The following PPP2R2B variants were observed in gnomAD, a reference collection of about 807,000 sequenced individuals.
PPP2R2B encodes the protein serine/threonine-protein phosphatase 2A 55 kDa regulatory subunit B beta isoform.
Under a neutral mutation model 46.0 loss-of-function variants are expected in PPP2R2B, and 5 were observed. The observed-to-expected ratio is 0.11, with a 90% CI of 0.06 to 0.23. The LOEUF is 0.23. PPP2R2B is among the 10% of genes least tolerant of loss of function. The pLI is 1.00. For synonymous variants in PPP2R2B, 215 were observed against 206.7 expected (o/e 1.04, Z -0.34); for missense variants, 367 against 575.0 (o/e 0.64, Z 3.70).
intron 3 of PPP2R2B, among the ~76,000 whole-genome samples, 175 bp from the exon 4 acceptor site, chr5:146,698,319 T>G (rs11744036): frequency 1.7e-5 from 1 of 57,246 alleles, no homozygotes; most frequent in Non-Finnish European, 2.9e-5. Context: ...AAAAAAAAAA[T>G]ATATATATAT....
intron 2 of PPP2R2B, among the ~76,000 whole-genome samples, chr5:146,788,870 C>T (rs1463374259): frequency 1.3e-5 from 2 of 152,216 alleles, no homozygotes; most frequent in Admixed American, 6.5e-5. Context: ...TAAATTCATT[C>T]ATCCCTCTCA....
chr5:146,972,379 A>G (rs1424087983), intron 1 of PPP2R2B, among the ~76,000 whole-genome samples: 1 of 152,108 alleles, frequency 6.6e-6, no homozygotes, highest in Non-Finnish European at 1.5e-5. Context: ...CCACACACTT[A>G]TCTCTGGATA....
At chr5:146,951,958 C>G (rs1002845380) in intron 1 of PPP2R2B, among the ~76,000 whole-genome samples, 1 of 148,930 alleles carries the variant, frequency 6.7e-6, no homozygotes, top group Non-Finnish European at 1.5e-5. Flanking sequence ...AATGGTTGAA[C>G]TAATTTACAT....
chr5:146,831,094 C>T (rs2151350253), intron 2 of PPP2R2B, among the ~76,000 whole-genome samples: 1 of 152,168 alleles, frequency 6.6e-6, no homozygotes, highest in Middle Eastern at 3.4e-3. Context: ...ATGTGATACT[C>T]AATCATGATA....
rs1770326007 is a variant in PPP2R2B at position 146,589,016 on chromosome 5, C to A, written c.*931G>T. ...GGACTCAGGGGTGGTGGCACTGCTT[C>A]CAACTTACTGCTTCATTTAGAACAC... On this transcript the variant is annotated 3_prime_UTR_variant, in exon 10 of 10. Coordinates refer to ENST00000394411, the MANE Select transcript of PPP2R2B (RefSeq NM_181675.4). The A allele has an allele frequency of 6.6e-6, 1 of 152,198 alleles. No homozygotes were observed. The highest frequency in any genetic ancestry group is 1.5e-5 in the Non-Finnish European group (1 of 68,066). 9.4% of individuals were successfully genotyped at this position (152,198 alleles called of 1,614,324 possible).
intron 1 of PPP2R2B, among the ~76,000 whole-genome samples, chr5:146,973,474 G>A (rs772986393): frequency 5.9e-5 from 9 of 152,212 alleles, no homozygotes; most frequent in Non-Finnish European, 1.0e-4. Flanking sequence ...GAAGGGCAGC[G>A]TGGCCCCAGG....
chr5:146,767,146 A>G (rs1456622375), intron 2 of PPP2R2B, among the ~76,000 whole-genome samples: 1 of 151,482 alleles, frequency 6.6e-6, no homozygotes, highest in Non-Finnish European at 1.5e-5. Flanking sequence ...TCCAGACTTC[A>G]CTAAATGTTT....
chr5:146,930,330 A>G (rs934427624), intron 1 of PPP2R2B, among the ~76,000 whole-genome samples: 2 of 152,212 alleles, frequency 1.3e-5, no homozygotes, highest in Non-Finnish European at 2.9e-5. Flanking sequence ...TCAGGATTAG[A>G]TAAAAAGTCC....
At chr5:146,724,947 G>A (rs959764417) in intron 2 of PPP2R2B, among the ~76,000 whole-genome samples, 3 of 152,120 alleles carry the variant, frequency 2.0e-5, no homozygotes, top group Non-Finnish European at 2.9e-5. Context: ...TGACAGTTAG[G>A]AAGGGAGAAC....
chr5:146,745,691 G>A (rs1236023003), intron 2 of PPP2R2B, among the ~76,000 whole-genome samples: 1 of 152,212 alleles, frequency 6.6e-6, no homozygotes, highest in Non-Finnish European at 1.5e-5. Context: ...GTGTGGTGGT[G>A]GCTCACGCCT....
chr5:146,795,337 C>T (rs1472214915), intron 2 of PPP2R2B, among the ~76,000 whole-genome samples: 5 of 152,062 alleles, frequency 3.3e-5, no homozygotes, highest in Admixed American at 3.3e-4. Context: ...GGTATACATG[C>T]AAAACAAATA....
At chr5:146,787,335 T>C (rs974921024) in intron 2 of PPP2R2B, among the ~76,000 whole-genome samples, 1 of 152,214 alleles carries the variant, frequency 6.6e-6, no homozygotes, top group Non-Finnish European at 1.5e-5. Flanking sequence ...GGCCACAGGA[T>C]CAGATTTGTC....
At chr5:146,864,050 T>A (rs529604994) in intron 2 of PPP2R2B, among the ~76,000 whole-genome samples, 1 of 152,302 alleles carries the variant, frequency 6.6e-6, no homozygotes, top group South Asian at 2.1e-4. Flanking sequence ...AACATAATTG[T>A]TCATACCATT....
chr5:146,702,076 G>T (rs1465847488), intron 2 of PPP2R2B, among the ~76,000 whole-genome samples: 1 of 129,890 alleles, frequency 7.7e-6, no homozygotes, highest in African/African-American at 3.0e-5. Context: ...AAAAAAAAAA[G>T]AGGCAGGGGA....
In PPP2R2B at chr5:147,001,952, C is replaced by T. The variant is rs371408485; in HGVS notation, c.79+53713G>A. On this transcript the variant is annotated intron_variant, in intron 1 of 8. Transcript: ENST00000336640. ...CCATTCAGCTTCAGGGTCCTGACAA[C>T]AAGTTGGTTGACCCTGCGGCCATGA... Among the ~76,000 whole-genome samples, 194 of 152,252 alleles carry T rather than the reference C, an allele frequency of 1.3e-3. 5 individuals are homozygous for T. The South Asian group carries it at 0.039, about 30-fold the overall frequency.
At chr5:147,013,894 T>C (rs2151879976) in intron 1 of PPP2R2B, among the ~76,000 whole-genome samples, 1 of 147,754 alleles carries the variant, frequency 6.8e-6, no homozygotes, top group Non-Finnish European at 1.5e-5. Context: ...TGGGATCTAA[T>C]TAAACTAAAG....
At chr5:146,831,684 A>T (rs1582215481) in intron 2 of PPP2R2B, among the ~76,000 whole-genome samples, 1 of 150,846 alleles carries the variant, frequency 6.6e-6, no homozygotes, top group Non-Finnish European at 1.5e-5. Flanking sequence ...CCAGCTACTC[A>T]GGAGGCTGAG....
intron 2 of PPP2R2B, among the ~76,000 whole-genome samples, chr5:146,820,592 T>G (rs1758197253): frequency 2.0e-5 from 3 of 152,146 alleles, no homozygotes; most frequent in African/African-American, 7.2e-5. Context: ...AAAAACGCCA[T>G]GCTGTTTGGG....
chr5:146,823,641 C>G (rs1286049989), intron 2 of PPP2R2B, among the ~76,000 whole-genome samples: 1 of 152,100 alleles, frequency 6.6e-6, no homozygotes, highest in Non-Finnish European at 1.5e-5. Flanking sequence ...GCCACGTCCA[C>G]TTTAAAGTTT....
Sources: allele counts gnomAD v4.1 joint callset (sites outside exome capture counted in the v4.1 genomes callset), GRCh38; gene constraint gnomAD v4.1.1; transcripts MANE v1.5; gene names NCBI Gene and HGNC (gene_info 2026-07-23, HGNC 2026-07-21).